UNC80: variants seen among roughly 807,000 people sequenced by gnomAD.
The protein encoded by UNC80 is unc-80 subunit of NALCN channel complex, also known as protein unc-80 homolog.
A neutral mutation model predicts 384.6 loss-of-function variants in UNC80; 164 were observed. The observed-to-expected ratio is 0.43, with a 90% confidence interval of 0.38 to 0.49. The LOEUF is 0.49. Among genes scored for constraint, UNC80 ranks in the 20% least tolerant of loss-of-function variants. UNC80 has a pLI of 0.00. For synonymous variants in UNC80, 1,486 were observed against 1,527.8 expected (o/e 0.97, Z 0.64); for missense variants, 3,330 against 4,143.0 (o/e 0.80, Z 5.39).
intron 21 of UNC80, 138 bp downstream of exon 21, chr2:209,842,584 T>C: frequency 1.5e-6 from 1 of 659,932 alleles, no homozygotes; most frequent in Non-Finnish European, 2.6e-6. Context: ...TACCACTGTC[T>C]ATAGCTTCTG....
intron 7 of UNC80, among the ~76,000 whole-genome samples, chr2:209,801,351 G>T (rs2078536563): frequency 7.7e-6 from 1 of 130,230 alleles, no homozygotes. Flanking sequence ...AGTCTGTTTT[G>T]TCAGAGACTA....
At chr2:209,861,080 C>T (rs1206035266) in intron 22 of UNC80, among the ~76,000 whole-genome samples, 2 of 152,208 alleles carry the variant, frequency 1.3e-5, no homozygotes, top group Non-Finnish European at 2.9e-5. Flanking sequence ...ACTTCCAATA[C>T]TATGTTGACT....
At position 209,973,126 on chromosome 2, in the gene UNC80, C is replaced by T; in HGVS notation, c.8443C>T (p.Leu2815Phe). The change falls in exon 56 of 65, where the codon CTC (leucine) becomes TTC (phenylalanine). Residue 2815 changes from leucine (L) to phenylalanine (F), a missense_variant. Physicochemically the swap from Leu to Phe is conservative, Grantham distance 22 (BLOSUM62 0). This residue lies in a region of UNC80 where 1,049 missense variants were observed against 1,488.6 expected (regional missense o/e 0.70). Coordinates refer to ENST00000673920, the MANE Select transcript of UNC80 (RefSeq NM_001371986.1). ...GCTGCAGACAGTCATCAATGTACTC[C>T]TCCCACCGCGGATCATCAGCACATC... ...LLLQTVINVL[L>F]PPRIISTSRS... 1.3e-6 allele frequency: 2 copies of T among 1,551,624 alleles called. No homozygotes were observed. Among genetic ancestry groups the T allele is most frequent in the East Asian group, 2.4e-5 (1 of 40,918 alleles).
chr2:209,935,812 G>C lies in UNC80; in HGVS notation c.6273+4G>C, dbSNP rs550058061. 5 of 1,531,692 alleles carry C rather than the reference G, an allele frequency of 3.3e-6. No homozygotes were observed. In the South Asian group the frequency reaches 6.2e-5, roughly 19 times the overall value. The allele number at this position is 1,531,692 out of a possible 1,614,324, so 94.9% of individuals were successfully genotyped here. A position where few individuals can be genotyped will look rare whatever the true frequency, so the allele number is the denominator to read the frequency against. On this transcript the variant is annotated splice_donor_region_variant and intron_variant, in intron 40 of 64. Transcript: ENST00000673920. ...TCAATTTGAAGCCCTGTTGAAGGTA[G>C]GAATGACTTTTAACAGAAACAATTT...
rs147921386 is a variant in UNC80, at chr2:209,926,191, C to G, written c.5663-652C>G. Among the ~76,000 whole-genome samples the G allele has an allele frequency of 4.0e-3, 603 of 152,334 alleles. 6 individuals carry two copies. Among genetic ancestry groups the G allele is most frequent in the African/African-American group, 0.014 (568 of 41,574 alleles). On this transcript the variant is annotated intron_variant, in intron 35 of 64. Transcript: ENST00000673920. ...TACTGCTTACTATCTCTCACACACT[C>G]ACATGCACACAACCAGTTGCATCTA...
chr2:209,958,557 C>T (rs2092487837), intron 49 of UNC80, among the ~76,000 whole-genome samples: 1 of 151,968 alleles, frequency 6.6e-6, no homozygotes, highest in South Asian at 2.1e-4. Flanking sequence ...CTATAAATTG[C>T]CTGGTGTGAT....
intron 25 of UNC80, among the ~76,000 whole-genome samples, chr2:209,887,593 G>C (rs916542109): frequency 6.6e-6 from 1 of 152,118 alleles, no homozygotes; most frequent in African/African-American, 2.4e-5. Flanking sequence ...TTATTCTGTC[G>C]AGCACAGTTC....
intron 38 of UNC80, 113 bp downstream of exon 38, chr2:209,931,167 C>G (rs779559997): frequency 5.0e-5 from 36 of 724,338 alleles, no homozygotes; most frequent in Non-Finnish European, 7.5e-5. Flanking sequence ...AAATCCTGGT[C>G]AACTAAATTC....
intron 2 of UNC80, 106 bp downstream of exon 2, chr2:209,773,248 C>A: frequency 1.0e-6 from 1 of 971,536 alleles, no homozygotes; most frequent in Non-Finnish European, 1.6e-6. Flanking sequence ...ATTCACTTGG[C>A]AAATATTATT....
intron 61 of UNC80, among the ~76,000 whole-genome samples, chr2:209,987,093 A>C (rs927435343): frequency 6.6e-6 from 1 of 152,200 alleles, no homozygotes; most frequent in Non-Finnish European, 1.5e-5. Context: ...ATCAGGAAGC[A>C]TATCTAAGGG....
Position 209,945,831 on chromosome 2 carries a change from CT to C in UNC80, c.7190-11del, listed in dbSNP as rs1481495949. On this transcript the variant is annotated splice_polypyrimidine_tract_variant and intron_variant, in intron 46 of 64. Transcript: ENST00000673920. ...AATCCACTCTGATAGTTTGCCTTTA[CT>C]TTTTGTTCCTTCAGATTTCTGCTAT... The C allele has an allele frequency of 3.2e-6, 5 of 1,543,570 alleles. No individual in the cohort carries two copies. Among genetic ancestry groups the C allele is most frequent in the Non-Finnish European group, 3.5e-6 (4 of 1,140,034 alleles).
rs139475476 is a variant in UNC80 at position 209,949,807 on chromosome 2, C to G, written c.7286+3864C>G. Among the ~76,000 whole-genome samples the G allele has an allele frequency of 9.5e-4, 133 of 140,654 alleles. 2 individuals are homozygous for G. Among genetic ancestry groups the G allele is most frequent in the African/African-American group, 3.4e-3 (128 of 38,154 alleles). The allele number at this position is 140,654 out of a possible 152,430, so 92.3% of individuals were successfully genotyped here. On this transcript the variant is annotated intron_variant, in intron 47 of 64. Coordinates refer to ENST00000673920, the MANE Select transcript of UNC80 (RefSeq NM_001371986.1). ...ACCCCTTTTTAAAAACTCCTATTCTCTGTAGAAATTTGGTATGGATTAGCT... is the reference window on the plus strand; with the variant it reads ...ACCCCTTTTTAAAAACTCCTATTCTGTGTAGAAATTTGGTATGGATTAGCT...
intron 15 of UNC80, among the ~76,000 whole-genome samples, chr2:209,829,817 G>GA (rs770923425): frequency 5.9e-5 from 9 of 152,280 alleles, no homozygotes; most frequent in East Asian, 5.8e-4. Context: ...TAAAATGGGA[G>GA]AAAAAACCTT....
At position 209,992,107 on chromosome 2, in the gene UNC80, C is replaced by T; in HGVS notation, c.9315-59C>T. On this transcript the variant is annotated intron_variant, in intron 61 of 64. Transcript: ENST00000673920. Reference sequence around the variant, plus strand: ...TACAAGTGATTTTGGCTAACACCCACCAGAGGACAGTCTCCTGTACTCTCT... The same window carrying T: ...TACAAGTGATTTTGGCTAACACCCATCAGAGGACAGTCTCCTGTACTCTCT... The T allele has an allele frequency of 2.1e-6, 3 of 1,426,120 alleles. No homozygotes were observed. The South Asian group carries it at 3.8e-5, about 18-fold the overall frequency. 88.3% of individuals were successfully genotyped at this position (1,426,120 alleles called of 1,614,324 possible). A position where few individuals can be genotyped will look rare whatever the true frequency, so the allele number is the denominator to read the frequency against.
chr2:209,939,328 CAT>C (rs773365250), intron 42 of UNC80, 142 bp from the exon 43 acceptor site: 67 of 770,164 alleles, frequency 8.7e-5, no homozygotes, highest in Non-Finnish European at 1.2e-4. Flanking sequence ...GATAAAAACA[CAT>C]GTCTCCCTCA....
intron 61 of UNC80, among the ~76,000 whole-genome samples, chr2:209,987,503 C>G (rs949405328): frequency 1.3e-5 from 2 of 152,186 alleles, no homozygotes; most frequent in African/African-American, 4.8e-5. Context: ...CCTTCTCTGT[C>G]TCTGCCGTGA....
intron 56 of UNC80, among the ~76,000 whole-genome samples, chr2:209,974,447 A>C (rs900090163): frequency 6.6e-6 from 1 of 152,248 alleles, no homozygotes; most frequent in African/African-American, 2.4e-5. Flanking sequence ...CACCATGTAC[A>C]GGAAGGATAT....
intron 26 of UNC80, among the ~76,000 whole-genome samples, chr2:209,891,678 A>T (rs1347934066): frequency 6.6e-6 from 1 of 152,162 alleles, no homozygotes; most frequent in Non-Finnish European, 1.5e-5. Flanking sequence ...TTATGTTAAC[A>T]TATGAAAGTT....
At chr2:209,841,356 T>TTTTTG (rs771851804) in intron 20 of UNC80, among the ~76,000 whole-genome samples, 2 of 152,112 alleles carry the variant, frequency 1.3e-5, no homozygotes, top group African/African-American at 4.8e-5. Context: ...GTTGTTGTTG[T>TTTTTG]TTTTGTTTTG....
Sources: allele counts gnomAD v4.1 joint callset (sites outside exome capture counted in the v4.1 genomes callset), GRCh38; gene constraint gnomAD v4.1.1; regional missense constraint gnomAD v4.1.1; transcripts MANE v1.5; gene names NCBI Gene and HGNC (gene_info 2026-07-23, HGNC 2026-07-21).